Variants in DAB1 observed in about 807,000 individuals in gnomAD.
DAB1 encodes the protein DAB adaptor protein 1.
DAB1 carries 15 observed loss-of-function variants against 64.6 expected under a neutral mutation model. The ratio of observed to expected loss-of-function variants is 0.23; its 90% CI spans 0.16 to 0.36. The LOEUF (loss-of-function observed/expected upper bound fraction) is 0.36. Among genes scored for constraint, DAB1 ranks in the 10% least tolerant of loss-of-function variants. DAB1 has a pLI of 1.00. For synonymous variants in DAB1, 235 were observed against 251.9 expected, an observed-to-expected ratio of 0.93 and a Z score of 0.64; for missense variants, 596 against 706.7, an observed-to-expected ratio of 0.84 and a Z score of 1.78.
At chr1:57,419,032 A>G (rs1684704059) in intron 1 of DAB1, among the ~76,000 whole-genome samples, 2 of 152,320 alleles carry the variant, frequency 1.3e-5, no homozygotes, top group East Asian at 3.9e-4. Flanking sequence ...TCACAGATTC[A>G]GTTCAGTGTG....
chr1:58,159,913 A>G (rs1035116756), intron 4 of DAB1, among the ~76,000 whole-genome samples: 2 of 152,148 alleles, frequency 1.3e-5, no homozygotes, highest in African/African-American at 2.4e-5. Context: ...ATGCTCCACT[A>G]TATTTCAATC....
intron 5 of DAB1, among the ~76,000 whole-genome samples, chr1:58,104,923 C>A (rs188675890): frequency 4.7e-4 from 71 of 152,214 alleles, no homozygotes; most frequent in Middle Eastern, 3.4e-3. Flanking sequence ...ATCCTATGGA[C>A]TTTCAAAAAG....
intron 10 of DAB1, among the ~76,000 whole-genome samples, chr1:57,024,794 G>A (rs952147860): frequency 5.9e-5 from 9 of 152,180 alleles, no homozygotes; most frequent in Admixed American, 1.3e-4. Context: ...TAGCCCTGCC[G>A]TTCTGCAACT....
intron 5 of DAB1, among the ~76,000 whole-genome samples, chr1:57,928,531 A>T (rs1644911296): frequency 6.6e-6 from 1 of 152,216 alleles, no homozygotes; most frequent in South Asian, 2.1e-4. Context: ...TGAATGCATA[A>T]GGACTTGTAT....
At chr1:58,341,410 C>T (rs887208200) in intron 4 of DAB1, among the ~76,000 whole-genome samples, 1 of 152,154 alleles carries the variant, frequency 6.6e-6, no homozygotes, top group Admixed American at 6.5e-5. Flanking sequence ...CAGTTTCATG[C>T]TCTTTCAATC....
At chr1:58,042,038 C>T (rs1486293478) in intron 5 of DAB1, among the ~76,000 whole-genome samples, 1 of 152,196 alleles carries the variant, frequency 6.6e-6, no homozygotes, top group Non-Finnish European at 1.5e-5. Context: ...ATGTCTCTGG[C>T]CAGGTCAGCT....
At chr1:58,019,299 T>C (rs954525559) in intron 5 of DAB1, among the ~76,000 whole-genome samples, 1 of 152,190 alleles carries the variant, frequency 6.6e-6, no homozygotes, top group Non-Finnish European at 1.5e-5. Context: ...ACAAACGCTA[T>C]GACTTCAAAG....
At chr1:58,038,697 G>A (rs1325116014) in intron 5 of DAB1, among the ~76,000 whole-genome samples, 1 of 152,150 alleles carries the variant, frequency 6.6e-6, no homozygotes, top group East Asian at 1.9e-4. Context: ...CATTCTGGGA[G>A]AGCAAGCCTC....
chr1:58,135,245 C>T (rs1212484275), intron 5 of DAB1, among the ~76,000 whole-genome samples: 1 of 152,154 alleles, frequency 6.6e-6, no homozygotes, highest in Non-Finnish European at 1.5e-5. Flanking sequence ...TCCTAAACCA[C>T]CGTTTATCAA....
chr1:58,446,800 C>T (rs1269134935), intron 3 of DAB1, among the ~76,000 whole-genome samples: 1 of 152,210 alleles, frequency 6.6e-6, no homozygotes, highest in Non-Finnish European at 1.5e-5. Context: ...AGCTCTGCCC[C>T]TCTCCCTGTA....
intron 5 of DAB1, among the ~76,000 whole-genome samples, chr1:58,038,807 T>C (rs1190973740): frequency 6.6e-6 from 1 of 152,178 alleles, no homozygotes; most frequent in Non-Finnish European, 1.5e-5. Context: ...CATAACACCC[T>C]TCCCTGCAAA....
At chr1:57,926,204 G>A (rs1644877217) in intron 5 of DAB1, among the ~76,000 whole-genome samples, 1 of 152,128 alleles carries the variant, frequency 6.6e-6, no homozygotes, top group African/African-American at 2.4e-5. Flanking sequence ...AGGACAATGG[G>A]AGTTCCCAGG....
At chr1:57,615,773 C>A (rs1645784651) in intron 7 of DAB1, among the ~76,000 whole-genome samples, 1 of 152,160 alleles carries the variant, frequency 6.6e-6, no homozygotes, top group South Asian at 2.1e-4. Context: ...ACTGCAAACA[C>A]AATTAGCAAG....
chr1:57,714,857 G>T lies in DAB1; in HGVS notation n.552-65192C>A, dbSNP rs548438712. 2.3e-3 allele frequency among the ~76,000 whole-genome samples: 355 copies of T among 152,262 alleles called. 2 individuals are homozygous for T. The highest frequency in any genetic ancestry group is 8.1e-3 in the African/African-American group (338 of 41,554). On this transcript the variant is annotated intron_variant and non_coding_transcript_variant, in intron 6 of 20. Transcript: ENST00000485760. ...GGTGTAAAGGTATGATTGGGAAAAG[G>T]TGTTGGGGGCTGGGGAGTGATAAAC... is the stretch of plus-strand genomic sequence containing the variant.
chr1:57,629,488 C>A (rs1417084294), intron 7 of DAB1, among the ~76,000 whole-genome samples: 1 of 151,958 alleles, frequency 6.6e-6, no homozygotes, highest in East Asian at 1.9e-4. Flanking sequence ...GCTAACACGA[C>A]CTAAATATGA....
At chr1:58,375,576 A>G (rs1270068536) in intron 3 of DAB1, among the ~76,000 whole-genome samples, 6 of 149,570 alleles carry the variant, frequency 4.0e-5, no homozygotes, top group African/African-American at 7.4e-5. Flanking sequence ...TGCTGGATTC[A>G]GTTTGCCAGT....
intron 4 of DAB1, among the ~76,000 whole-genome samples, chr1:58,191,019 G>A (rs1657362063): frequency 1.3e-5 from 2 of 152,178 alleles, no homozygotes; most frequent in African/African-American, 4.8e-5. Context: ...ACAGAAGAAC[G>A]TGGGAAGCCA....
At chr1:58,419,667 C>T (rs1644754541) in intron 3 of DAB1, among the ~76,000 whole-genome samples, 2 of 152,130 alleles carry the variant, frequency 1.3e-5, no homozygotes, top group Non-Finnish European at 1.5e-5. Flanking sequence ...GTAGGTGTAG[C>T]CATTCAAACG....
intron 5 of DAB1, among the ~76,000 whole-genome samples, chr1:57,952,759 G>T (rs868112881): frequency 6.6e-6 from 1 of 152,122 alleles, no homozygotes; most frequent in African/African-American, 2.4e-5. Flanking sequence ...ATTCAACTCA[G>T]CATCAGCTCA....
Sources: gnomAD v4.1 joint callset for allele counts (sites outside exome capture counted in the v4.1 genomes callset) on GRCh38, gnomAD v4.1.1 for gene constraint, MANE v1.5 for transcripts, NCBI Gene and HGNC (gene_info 2026-07-23, HGNC 2026-07-21) for gene names.